Variants in PSD3 observed in about 807,000 individuals in gnomAD.
PSD3 encodes pleckstrin and Sec7 domain containing 3.
Under a neutral mutation model 105.5 loss-of-function variants are expected in PSD3, and 49 were observed. The observed-to-expected ratio is 0.46, with a 90% CI of 0.37 to 0.59. The LOEUF is 0.59. Ranked by LOEUF, PSD3 falls within the 20% of genes least tolerant of loss-of-function variation. PSD3 has a pLI of 0.00. For synonymous variants in PSD3, 557 were observed against 457.8 expected (o/e 1.22, Z -2.77); for missense variants, 1,561 against 1,263.8 (o/e 1.24, Z -3.57).
intron 4 of PSD3, among the ~76,000 whole-genome samples, chr8:18,839,213 G>A (rs1383383170): frequency 1.3e-5 from 2 of 152,100 alleles, no homozygotes; most frequent in Non-Finnish European, 1.5e-5. Flanking sequence ...TGTAAATGTG[G>A]TGAGTTCATC....
At chr8:19,018,284 G>A (rs1827238203), upstream of PSD3, among the ~76,000 whole-genome samples, 1 of 151,630 alleles carries the variant, frequency 6.6e-6, no homozygotes. Flanking sequence ...GACCTCTCAA[G>A]TTTCTTTCAT....
chr8:18,845,727 G>A (rs567966126), intron 4 of PSD3, among the ~76,000 whole-genome samples: 12 of 152,080 alleles, frequency 7.9e-5, no homozygotes, highest in Non-Finnish European at 1.2e-4. Context: ...ATTTGAGGCC[G>A]GTCGTTGGAG....
At chr8:18,865,358 A>T (rs1189800202) in intron 4 of PSD3, 1 of 144,382 alleles carries the variant, frequency 6.9e-6, no homozygotes, top group Non-Finnish European at 1.5e-5. Context: ...TCATTCTCTA[A>T]CCCACAATAG....
At chr8:18,566,542 A>ATG (rs1801771051) in intron 14 of PSD3, among the ~76,000 whole-genome samples, 5 of 150,896 alleles carry the variant, frequency 3.3e-5, no homozygotes, top group African/African-American at 9.8e-5. Flanking sequence ...AAAAAAAAAA[A>ATG]AAAAATTCCT....
intron 13 of PSD3, 41 bp from the exon 14 acceptor site, chr8:18,572,713 T>A (rs747230858): frequency 6.3e-7 from 1 of 1,592,662 alleles, no homozygotes; most frequent in Admixed American, 1.7e-5. Flanking sequence ...TATTGCCATG[T>A]CTAAGTAGCA....
At chr8:18,741,077 A>G (rs1335944430) in intron 9 of PSD3, among the ~76,000 whole-genome samples, 1 of 152,222 alleles carries the variant, frequency 6.6e-6, no homozygotes, top group Non-Finnish European at 1.5e-5. Context: ...GGATTAAAAT[A>G]TTGTTTTCTG....
At chr8:18,965,527 G>GA (rs1824186256) in intron 1 of PSD3, among the ~76,000 whole-genome samples, 1 of 151,868 alleles carries the variant, frequency 6.6e-6, no homozygotes, top group Admixed American at 6.6e-5. Context: ...GGTTGCCACT[G>GA]TGACCATTTA....
chr8:18,961,928 A>C (rs1306648070), intron 1 of PSD3, among the ~76,000 whole-genome samples: 1 of 152,104 alleles, frequency 6.6e-6, no homozygotes, highest in Non-Finnish European at 1.5e-5. Flanking sequence ...TTCCTGCGAA[A>C]ACCATGTAAA....
chr8:19,059,519 A>T (rs1828821248), intron 1 of PSD3, among the ~76,000 whole-genome samples: 3 of 152,210 alleles, frequency 2.0e-5, no homozygotes, highest in Admixed American at 1.3e-4. Flanking sequence ...AAAGTCTAAG[A>T]TTTAAGCCAG....
chr8:19,027,114 A>C (rs150538158), intron 1 of PSD3, among the ~76,000 whole-genome samples: 15 of 152,242 alleles, frequency 9.9e-5, no homozygotes, highest in Non-Finnish European at 2.2e-4. Context: ...TACATTGGAA[A>C]ATCTCTGTAC....
chr8:18,989,161 A>C (rs1825660675), intron 1 of PSD3: 1 of 152,242 alleles, frequency 6.6e-6, no homozygotes, highest in Non-Finnish European at 1.5e-5. Flanking sequence ...AGCGGGGCTG[A>C]GTCTCAATAA....
At chr8:18,764,357 T>A (rs1806792959) in intron 9 of PSD3, among the ~76,000 whole-genome samples, 1 of 152,200 alleles carries the variant, frequency 6.6e-6, no homozygotes, top group Non-Finnish European at 1.5e-5. Context: ...CATTTGGATT[T>A]ATACCTTTAG....
chr8:19,043,386 T>A (rs983745180), intron 1 of PSD3, among the ~76,000 whole-genome samples: 2 of 152,234 alleles, frequency 1.3e-5, no homozygotes, highest in African/African-American at 2.4e-5. Flanking sequence ...GGAGGGCTGA[T>A]GTGCTGCAGT....
intron 3 of PSD3, among the ~76,000 whole-genome samples, chr8:18,870,374 C>G: frequency 6.6e-6 from 1 of 152,054 alleles, no homozygotes; most frequent in East Asian, 1.9e-4. Context: ...TATCCAGGGT[C>G]TAAGCTGGTG....
At chr8:18,575,010 T>A in intron 13 of PSD3, 118 bp downstream of exon 13, 1 of 1,050,928 alleles carries the variant, frequency 9.5e-7, no homozygotes, top group Non-Finnish European at 1.3e-6. Context: ...TGTAAGCAGT[T>A]GATGACTTTG....
chr8:18,792,690 G>A (rs972051929), intron 8 of PSD3, among the ~76,000 whole-genome samples: 9 of 152,124 alleles, frequency 5.9e-5, no homozygotes, highest in Non-Finnish European at 8.8e-5. Flanking sequence ...GTGCTGGAGA[G>A]GATGTGGAGA....
At chr8:18,979,451 T>A (rs1056661017) in intron 1 of PSD3, among the ~76,000 whole-genome samples, 4 of 152,320 alleles carry the variant, frequency 2.6e-5, no homozygotes, top group Non-Finnish European at 5.9e-5. Flanking sequence ...ATCAATAGTA[T>A]CTTTCATTCC....
intron 1 of PSD3, among the ~76,000 whole-genome samples, chr8:19,011,903 A>G (rs1826969194): frequency 6.6e-6 from 1 of 152,232 alleles, no homozygotes; most frequent in East Asian, 1.9e-4. Flanking sequence ...CAGAACACAC[A>G]AACAGATATT....
At chr8:18,683,675 T>G (rs1394197003) in intron 9 of PSD3, 1 of 673,750 alleles carries the variant, frequency 1.5e-6, no homozygotes, top group African/African-American at 1.8e-5. Context: ...CTCGTTACTT[T>G]CTCAGTCTAT....
Sources: gnomAD v4.1 joint callset for allele counts (sites outside exome capture counted in the v4.1 genomes callset) on GRCh38, gnomAD v4.1.1 for gene constraint, MANE v1.5 for transcripts, NCBI Gene and HGNC (gene_info 2026-07-23, HGNC 2026-07-21) for gene names.